Variants in UBA6 observed in about 807,000 individuals in gnomAD.
UBA6 encodes ubiquitin like modifier activating enzyme 6, also known as ubiquitin-like modifier-activating enzyme 6.
In UBA6, 87 loss-of-function variants were observed where a neutral mutation model predicts 148.3. The ratio of observed to expected loss-of-function variants is 0.59; its 90% CI spans 0.49 to 0.70. The LOEUF is 0.70. UBA6 is among the 30% of genes least tolerant of loss of function. The pLI, the probability that UBA6 is intolerant of heterozygous loss-of-function variation, is 0.00. For missense variants in UBA6, 1,186 were observed against 1,241.2 expected, an observed-to-expected ratio of 0.96 and a Z score of 0.67; for synonymous variants, 376 against 401.0, an observed-to-expected ratio of 0.94 and a Z score of 0.75.
In UBA6 at chr4:67,631,842, A is replaced by G. The variant is rs780422161; in HGVS notation, c.2194+15T>C. ...ATAAATGTCATTAAAATTTATTCTC[A>G]ACATTTATACTTACTGCCATCTTTT... is the stretch of plus-strand genomic sequence containing the variant. On this transcript the variant is annotated intron_variant, in intron 24 of 32. Coordinates refer to ENST00000322244, the MANE Select transcript of UBA6 (RefSeq NM_018227.6). The G allele has an allele frequency of 6.2e-7, 1 of 1,611,462 alleles. No individual in the cohort carries two copies. The highest frequency in any genetic ancestry group is 8.5e-7 in the Non-Finnish European group (1 of 1,178,422).
In UBA6 at chr4:67,701,070, C is replaced by A. The variant is rs534250437; in HGVS notation, c.50G>T (p.Cys17Phe). The A allele has an allele frequency of 1.2e-6, 2 of 1,613,716 alleles. No individual in the cohort carries two copies. The highest frequency in any genetic ancestry group is 2.2e-5 in the South Asian group (2 of 91,088). ...TCACCTGCCAGTCCCCCAGGAAGAA[C>A]AGGACGCCTCTTCCCCCTGATGGGC... ...VAAHQGEEAS[C>F]SSWGTGSTNK... The change falls in exon 1 of 33, where the codon TGT becomes TTT. Residue 17 changes from cysteine (C) to phenylalanine (F), a missense_variant. Physicochemically the swap from Cys to Phe is radical, Grantham distance 205 (BLOSUM62 -2). Transcript: ENST00000322244.
At chr4:67,660,566 T>G (rs1729823509) in intron 13 of UBA6, among the ~76,000 whole-genome samples, 1 of 152,178 alleles carries the variant, frequency 6.6e-6, no homozygotes, top group Non-Finnish European at 1.5e-5. Context: ...GCCTAGCTTT[T>G]AGAGGATGTA....
At chr4:67,678,144 T>TA (rs5859100) in intron 5 of UBA6, among the ~76,000 whole-genome samples, 3,414 of 147,688 alleles carry the variant, frequency 0.023, 140 homozygotes, top group African/African-American at 0.079. Flanking sequence ...TGTAAATATA[T>TA]AAAAAATTTG....
intron 2 of UBA6, among the ~76,000 whole-genome samples, chr4:67,691,436 T>C (rs2109958584): frequency 6.6e-6 from 1 of 152,300 alleles, no homozygotes; most frequent in South Asian, 2.1e-4. Flanking sequence ...TGTAGCTACT[T>C]CCAGTTGCTA....
rs781057868 is a variant in UBA6 at position 67,665,274 on chromosome 4, A to C, written c.812T>G (p.Phe271Cys). Reference protein sequence around the residue: ...QQITVISPFSFSIGDTTELEP... With the variant: ...QQITVISPFSCSIGDTTELEP... The stretch of plus-strand genomic sequence containing the variant: ...CAGTTCTGTGGTGTCACCAATACTA[A>C]AAGAAAATGGCGATATCACTAGAAG... The change falls in exon 10 of 33, where the codon TTT becomes TGT. Residue 271 changes from phenylalanine to cysteine, a missense_variant. By Grantham distance (205) the Phe-to-Cys change is radical. Transcript: ENST00000322244. The C allele has an allele frequency of 4.4e-6, 7 of 1,599,256 alleles. No individual in the cohort carries two copies. Among genetic ancestry groups the C allele is most frequent in the African/African-American group, 1.4e-5 (1 of 73,986 alleles).
chr4:67,661,950 T>A, intron 13 of UBA6: 1 of 450,534 alleles, frequency 2.2e-6, no homozygotes, highest in Non-Finnish European at 3.9e-6. Context: ...AATTACTATA[T>A]GTCACATGGC....
At chr4:67,657,070 T>C (rs1454744191) in intron 13 of UBA6, among the ~76,000 whole-genome samples, 2 of 152,102 alleles carry the variant, frequency 1.3e-5, no homozygotes, top group East Asian at 3.9e-4. Flanking sequence ...TGCTCATGGA[T>C]AGGAAGAATC....
chr4:67,668,263 A>G (rs1007363961), intron 9 of UBA6, among the ~76,000 whole-genome samples: 1 of 152,106 alleles, frequency 6.6e-6, no homozygotes, highest in African/African-American at 2.4e-5. Flanking sequence ...TCTTTTTTCA[A>G]TACCTTCCTA....
Position 67,622,685 on chromosome 4 carries a change from T to C in UBA6, c.3023+146A>G, listed in dbSNP as rs1728777360. The C allele has an allele frequency of 6.9e-6, 4 of 577,608 alleles. No individual in the cohort carries two copies. In the South Asian group the frequency reaches 9.3e-5, roughly 13 times the overall value. The allele number at this position is 577,608 out of a possible 1,614,324, so 35.8% of individuals were successfully genotyped here. A position where few individuals can be genotyped will look rare whatever the true frequency, so the allele number is the denominator to read the frequency against. On this transcript the variant is annotated intron_variant, in intron 32 of 32. Coordinates refer to ENST00000322244, the MANE Select transcript of UBA6 (RefSeq NM_018227.6). ...GAGAGGTAGCCTGTTGGCCTTCACC[T>C]GGCAGATTCACTGTCTTTATTAATG...
intron 23 of UBA6, among the ~76,000 whole-genome samples, chr4:67,632,239 TA>T: frequency 6.6e-6 from 1 of 152,236 alleles, no homozygotes; most frequent in Non-Finnish European, 1.5e-5. Flanking sequence ...CTGTTCTTTT[TA>T]AAGAGCTAGT....
intron 6 of UBA6, among the ~76,000 whole-genome samples, chr4:67,677,315 A>G (rs1247182005): frequency 6.6e-6 from 1 of 152,180 alleles, no homozygotes; most frequent in African/African-American, 2.4e-5. Context: ...CCCAACTGAC[A>G]TATTCAGGTA....
At chr4:67,673,618 CA>C in intron 7 of UBA6, 78 bp downstream of exon 7, 3 of 831,460 alleles carry the variant, frequency 3.6e-6, no homozygotes, top group Non-Finnish European at 5.8e-6. Flanking sequence ...TTATATAACC[CA>C]TCAATGAGTT....
chr4:67,665,378 C>T (rs1412842407), intron 9 of UBA6, 86 bp from the exon 10 acceptor site: 2 of 780,154 alleles, frequency 2.6e-6, no homozygotes. Context: ...GGTTAATTAT[C>T]CCTAATTTAC....
intron 2 of UBA6, among the ~76,000 whole-genome samples, chr4:67,696,328 C>T (rs577793755): frequency 2.6e-5 from 4 of 151,510 alleles, no homozygotes; most frequent in South Asian, 2.1e-4. Context: ...AAATATTATC[C>T]GAATGTAGAT....
intron 2 of UBA6, among the ~76,000 whole-genome samples, chr4:67,689,952 T>A (rs1730657781): frequency 6.6e-6 from 1 of 152,096 alleles, no homozygotes; most frequent in Non-Finnish European, 1.5e-5. Flanking sequence ...ACAAATACTA[T>A]GTGATAATGT....
At chr4:67,649,340 C>T in intron 13 of UBA6, 129 bp from the exon 14 acceptor site, 2 of 872,882 alleles carry the variant, frequency 2.3e-6, no homozygotes, top group South Asian at 2.4e-5. Context: ...TACTAAATAT[C>T]TCTAAAAATG....
intron 26 of UBA6, 23 bp downstream of exon 26, chr4:67,630,443 C>G (rs1202565588): frequency 1.7e-5 from 27 of 1,545,622 alleles, no homozygotes; most frequent in Non-Finnish European, 2.4e-5. Flanking sequence ...GCATCACTTG[C>G]TAAGGCTTAA....
rs115380829 is a variant in UBA6 at position 67,623,402 on chromosome 4, C to T, written c.2841-180G>A. ...ATTCCATAATCTTATTTCTTCATCA[C>T]ATCATATAGATAACCACTTTTAATC... On this transcript the variant is annotated intron_variant, in intron 30 of 32. Coordinates refer to ENST00000322244, the MANE Select transcript of UBA6 (RefSeq NM_018227.6). Among the ~76,000 whole-genome samples, 530 of 152,256 alleles carry T rather than the reference C, an allele frequency of 3.5e-3. 3 individuals are homozygous for T. Among genetic ancestry groups the T allele is most frequent in the African/African-American group, 0.012 (501 of 41,556 alleles).
rs750550122 is a variant in UBA6 at position 67,665,174 on chromosome 4, A to C, written c.897+15T>G. On this transcript the variant is annotated intron_variant, in intron 10 of 32. Coordinates refer to ENST00000322244, the MANE Select transcript of UBA6 (RefSeq NM_018227.6). ...TGTAAAAAAATGTTTTTTAAGCCGA[A>C]AAAAAAATACTTACAAAAAAAACTG... is the stretch of plus-strand genomic sequence containing the variant. The C allele has an allele frequency of 9.9e-6, 15 of 1,511,412 alleles. No individual in the cohort carries two copies. The highest frequency in any genetic ancestry group is 1.2e-5 in the Non-Finnish European group (13 of 1,124,296). The allele number at this position is 1,511,412 out of a possible 1,614,324, so 93.6% of individuals were successfully genotyped here.
Sources: gnomAD v4.1 joint callset for allele counts (sites outside exome capture counted in the v4.1 genomes callset) on GRCh38, gnomAD v4.1.1 for gene constraint, MANE v1.5 for transcripts, NCBI Gene and HGNC (gene_info 2026-07-23, HGNC 2026-07-21) for gene names.